Variants in TKFC observed in about 807,000 individuals in gnomAD.
The protein encoded by TKFC is triokinase and FMN cyclase, also known as triokinase/FMN cyclase.
TKFC carries 46 observed loss-of-function variants against 61.0 expected under a neutral mutation model. The observed-to-expected ratio is 0.75, with a 90% CI of 0.60 to 0.96. The LOEUF is 0.96. TKFC is among the 50% of genes least tolerant of loss of function. The probability of loss-of-function intolerance (pLI) is 0.00; values close to 1 mark genes in which losing one functional copy is unlikely to be tolerated. For missense variants in TKFC, 715 were observed against 777.5 expected, an observed-to-expected ratio of 0.92 and a Z score of 0.96; for synonymous variants, 314 against 330.1, an observed-to-expected ratio of 0.95 and a Z score of 0.53.
intron 10 of TKFC, 88 bp downstream of exon 10, chr11:61,342,932 G>A (rs533180106): frequency 6.7e-6 from 9 of 1,336,624 alleles, no homozygotes; most frequent in South Asian, 2.4e-5. Flanking sequence ...CGGACTGTGC[G>A]TCAGATAAGC....
intron 2 of TKFC, among the ~76,000 whole-genome samples, 182 bp from the exon 3 acceptor site, chr11:61,337,759 C>T (rs1249914780): frequency 6.6e-6 from 1 of 152,206 alleles, no homozygotes; most frequent in African/African-American, 2.4e-5. Context: ...TAGAAAGTCA[C>T]ACATTACTGA....
intron 5 of TKFC, among the ~76,000 whole-genome samples, chr11:61,340,087 T>C (rs1331564082): frequency 6.6e-6 from 1 of 152,168 alleles, no homozygotes; most frequent in African/African-American, 2.4e-5. Context: ...CTTGGCTCAC[T>C]GCAGTCTCCG....
chr11:61,352,831 A>C (rs1857477146), downstream of TKFC: 2 of 1,468,274 alleles, frequency 1.4e-6, no homozygotes, highest in Non-Finnish European at 1.8e-6. Context: ...ATTTCAACCT[A>C]AAGAAAGATC....
In TKFC at chr11:61,347,344, C is replaced by T; in HGVS notation, c.*841C>T. ...ATCCCTTACACTCAGGAGTTCAAGA[C>T]CAGTCTGGGCAACATGGTAAAACCC... On this transcript the variant is annotated 3_prime_UTR_variant, in exon 18 of 18. Coordinates refer to ENST00000394900, the MANE Select transcript of TKFC (RefSeq NM_015533.4). 1.1e-6 allele frequency: 1 copy of T among 919,004 alleles called. No individual in the cohort carries two copies. Among genetic ancestry groups the T allele is most frequent in the African/African-American group, 1.8e-5 (1 of 55,844 alleles). 56.9% of individuals were successfully genotyped at this position (919,004 alleles called of 1,614,324 possible).
At chr11:61,351,093 G>A (rs2135100318), downstream of TKFC, 1 of 1,613,960 alleles carries the variant, frequency 6.2e-7, no homozygotes, top group Non-Finnish European at 8.5e-7. Context: ...TCCCGGTGCT[G>A]TTGGCAAAGA....
chr11:61,334,335 G>A (rs968817140), intron 1 of TKFC: 2 of 174,716 alleles, frequency 1.1e-5, no homozygotes, highest in African/African-American at 2.4e-5. Context: ...CCGTGTAAAA[G>A]ATAGTTATTC....
chr11:61,343,196 G>A, intron 10 of TKFC, 146 bp from the exon 11 acceptor site: 1 of 739,176 alleles, frequency 1.4e-6, no homozygotes, highest in Non-Finnish European at 2.3e-6. Flanking sequence ...CATTTGTGGG[G>A]TTATTGAGGG....
rs528411706 is a variant in TKFC at position 61,342,817 on chromosome 11, A to G, written c.838A>G (p.Ile280Val). The change falls in exon 10 of 18, where the codon ATA becomes GTA. Residue 280 changes from isoleucine (I) to valine (V), a missense_variant. Physicochemically the swap from Ile to Val is conservative, Grantham distance 29. Transcript: ENST00000394900. ...CCTGTCATTCCTGGAACTGGGCATC[A>G]TAGCCGACGCTACCGTCCGCTCCCT... is the stretch of plus-strand genomic sequence containing the variant. ...GGLSFLELGI[I>V]ADATVRSLEG... 22 of 1,614,014 alleles carry G rather than the reference A, an allele frequency of 1.4e-5. No individual in the cohort carries two copies. Among genetic ancestry groups the G allele is most frequent in the Non-Finnish European group, 1.9e-5 (22 of 1,180,024 alleles).
Position 61,344,274 on chromosome 11 carries a change from G to T in TKFC, c.1240+1G>T. On this transcript the variant is annotated splice_donor_variant, in intron 13 of 17. Transcript: ENST00000394900. LOFTEE classifies it high-confidence loss of function. ...ACCACCCACAGCCGTGCGGCCAGAGGTTGGTGCCAGGGACTTTGCCAAGTG... is the reference window on the plus strand; with the variant it reads ...ACCACCCACAGCCGTGCGGCCAGAGTTTGGTGCCAGGGACTTTGCCAAGTG... 6.2e-7 allele frequency: 1 copy of T among 1,612,484 alleles called. No homozygotes were observed. Among genetic ancestry groups the T allele is most frequent in the Non-Finnish European group, 8.5e-7 (1 of 1,179,690 alleles).
chr11:61,334,523 C>T, intron 1 of TKFC, 97 bp from the exon 2 acceptor site: 1 of 604,504 alleles, frequency 1.7e-6, no homozygotes, highest in East Asian at 3.1e-5. Flanking sequence ...GGACCGAAGT[C>T]TGGGGCAGCT....
Position 61,347,375 on chromosome 11 carries a change from C to T in TKFC, c.*872C>T. ...TGGGCAACATGGTAAAACCCTGTCT[C>T]TACCAAAAAATACAAAATTAGCCAG... is the stretch of plus-strand genomic sequence containing the variant. On this transcript the variant is annotated 3_prime_UTR_variant, in exon 18 of 18. Coordinates refer to ENST00000394900, the MANE Select transcript of TKFC (RefSeq NM_015533.4). The T allele has an allele frequency of 1.1e-6, 1 of 883,580 alleles. No homozygotes were observed. The highest frequency in any genetic ancestry group is 1.4e-6 in the Non-Finnish European group (1 of 737,318). 54.7% of individuals were successfully genotyped at this position (883,580 alleles called of 1,614,324 possible).
downstream of TKFC, chr11:61,349,760 CT>C (rs1476855645): frequency 1.1e-5 from 7 of 658,026 alleles, no homozygotes; most frequent in East Asian, 1.9e-4. Context: ...GCCACTCCCC[CT>C]TTCTGCAATC....
rs771053954 is a variant in TKFC, at chr11:61,338,079, C to T, written c.142C>T (p.Arg48Trp). The T allele has an allele frequency of 4.7e-5, 75 of 1,609,722 alleles. 1 individual carries two copies. The highest frequency in any genetic ancestry group is 3.6e-5 in the Non-Finnish European group (43 of 1,179,246). The change falls in exon 3 of 18, where the codon CGG (arginine) becomes TGG (tryptophan). Residue 48 changes from arginine to tryptophan, a missense_variant. Coordinates refer to ENST00000394900, the MANE Select transcript of TKFC (RefSeq NM_015533.4). Reference sequence around the variant, plus strand: ...TTCTGACCTGGACAGCCTCAAGGGCCGGGTGGCACTGCTGTCGGGTGGGGG... The same window carrying T: ...TTCTGACCTGGACAGCCTCAAGGGCTGGGTGGCACTGCTGTCGGGTGGGGG... ...LRSDLDSLKGRVALLSGGGSG... is the reference protein window; with the variant it reads ...LRSDLDSLKGWVALLSGGGSG...
rs939161047 is a variant in TKFC, at chr11:61,333,256, C to T, written c.-183C>T. 1 of 305,156 alleles carries T rather than the reference C, an allele frequency of 3.3e-6. No homozygotes were observed. Among genetic ancestry groups the T allele is most frequent in the Non-Finnish European group, 6.0e-6 (1 of 166,440 alleles). 18.9% of individuals were successfully genotyped at this position (305,156 alleles called of 1,614,324 possible). A position where few individuals can be genotyped will look rare whatever the true frequency, so the allele number is the denominator to read the frequency against. ...AGCGCCCGCAGGACCCGGATGAGAG[C>T]GCACGCTTCGGGGTCTCCGGGAAGT... On this transcript the variant is annotated 5_prime_UTR_variant, in exon 1 of 18. Transcript: ENST00000394900.
At chr11:61,350,758 G>GT, downstream of TKFC, 1 of 614,180 alleles carries the variant, frequency 1.6e-6, no homozygotes, top group East Asian at 2.9e-5. Flanking sequence ...ACAGTGATTT[G>GT]GGGGGGAAAT....
rs1019213313 is a variant in TKFC at position 61,333,260 on chromosome 11, C to A, written c.-179C>A. 3.3e-6 allele frequency: 1 copy of A among 298,532 alleles called. No homozygotes were observed. The highest frequency in any genetic ancestry group is 6.2e-6 in the Non-Finnish European group (1 of 162,260). 18.5% of individuals were successfully genotyped at this position (298,532 alleles called of 1,614,324 possible). On this transcript the variant is annotated 5_prime_UTR_variant, in exon 1 of 18. Coordinates refer to ENST00000394900, the MANE Select transcript of TKFC (RefSeq NM_015533.4). Reference sequence around the variant, plus strand: ...CCCGCAGGACCCGGATGAGAGCGCACGCTTCGGGGTCTCCGGGAAGTCGCG... The same window carrying A: ...CCCGCAGGACCCGGATGAGAGCGCAAGCTTCGGGGTCTCCGGGAAGTCGCG...
At position 61,343,841 on chromosome 11, in the gene TKFC, T is replaced by C. The variant is rs879579028; in HGVS notation, c.983-15T>C. ...TGGACAGCCGTGTCTAAGAGAGTTA[T>C]CTTGCTGCCCTTAGATGCTGAAACC... On this transcript the variant is annotated splice_polypyrimidine_tract_variant and intron_variant, in intron 11 of 17. Transcript: ENST00000394900. 9.3e-6 allele frequency: 15 copies of C among 1,604,950 alleles called. No homozygotes were observed. The highest frequency in any genetic ancestry group is 1.3e-5 in the Non-Finnish European group (15 of 1,178,570).
downstream of TKFC, chr11:61,353,137 C>G (rs1436605274): frequency 6.2e-7 from 1 of 1,602,492 alleles, no homozygotes; most frequent in Non-Finnish European, 8.5e-7. Flanking sequence ...AGCCCAGGAA[C>G]CACTGTGGAC....
downstream of TKFC, chr11:61,349,699 G>C: frequency 1.4e-6 from 1 of 701,068 alleles, no homozygotes; most frequent in Non-Finnish European, 2.6e-6. Flanking sequence ...GCAGCAATAC[G>C]AAACAGAACA....
Sources: gnomAD v4.1 joint callset for allele counts (sites outside exome capture counted in the v4.1 genomes callset) on GRCh38, gnomAD v4.1.1 for gene constraint, MANE v1.5 for transcripts, NCBI Gene and HGNC (gene_info 2026-07-23, HGNC 2026-07-21) for gene names.